Variants in SLC9A9 observed in about 807,000 individuals in gnomAD.
SLC9A9 encodes solute carrier family 9 member A9.
Under a neutral mutation model 77.8 loss-of-function variants are expected in SLC9A9, and 62 were observed. The observed-to-expected ratio is 0.80, with a 90% CI of 0.65 to 0.98. The LOEUF (loss-of-function observed/expected upper bound fraction) is 0.98, where lower values mean the gene tolerates loss of function less well. Among genes scored for constraint, SLC9A9 ranks in the 50% least tolerant of loss-of-function variants. The pLI, the probability that SLC9A9 is intolerant of heterozygous loss-of-function variation, is 0.00. For synonymous variants in SLC9A9, 320 were observed against 283.5 expected, an observed-to-expected ratio of 1.13 and a Z score of -1.29; for missense variants, 775 against 774.9, an observed-to-expected ratio of 1.00 and a Z score of 0.00.
intron 4 of SLC9A9, among the ~76,000 whole-genome samples, chr3:143,768,211 G>A (rs543378997): frequency 1.6e-4 from 24 of 151,998 alleles, no homozygotes; most frequent in Non-Finnish European, 2.4e-4. Context: ...TCAGCGAGGG[G>A]GAAAATCAGA....
At chr3:143,300,186 G>A (rs1326397208) in intron 14 of SLC9A9, among the ~76,000 whole-genome samples, 1 of 152,114 alleles carries the variant, frequency 6.6e-6, no homozygotes, top group Non-Finnish European at 1.5e-5. Context: ...CTCTCCAGGT[G>A]GTATTTTAGC....
intron 14 of SLC9A9, among the ~76,000 whole-genome samples, chr3:143,279,109 C>T (rs1938137234): frequency 6.6e-6 from 1 of 152,198 alleles, no homozygotes; most frequent in African/African-American, 2.4e-5. Flanking sequence ...CATCCCAAGT[C>T]AATTTACTAA....
chr3:143,716,982 G>A (rs1934370371), intron 4 of SLC9A9, among the ~76,000 whole-genome samples: 1 of 152,182 alleles, frequency 6.6e-6, no homozygotes, highest in African/African-American at 2.4e-5. Flanking sequence ...AATGGAGGGG[G>A]AGGAAGGCAA....
chr3:143,614,210 T>C (rs942670870), intron 6 of SLC9A9, among the ~76,000 whole-genome samples: 1 of 152,206 alleles, frequency 6.6e-6, no homozygotes, highest in Non-Finnish European at 1.5e-5. Flanking sequence ...ATTTCTAGCA[T>C]TTCCTAGGCT....
At chr3:143,542,204 T>C (rs1366740865) in intron 9 of SLC9A9, among the ~76,000 whole-genome samples, 1 of 152,240 alleles carries the variant, frequency 6.6e-6, no homozygotes, top group East Asian at 1.9e-4. Flanking sequence ...ATGAGTTTCA[T>C]TGAAAAGAAT....
At chr3:143,684,085 C>T (rs1933187025) in intron 5 of SLC9A9, among the ~76,000 whole-genome samples, 1 of 151,918 alleles carries the variant, frequency 6.6e-6, no homozygotes, top group Admixed American at 6.6e-5. Flanking sequence ...GTAACTGAGG[C>T]CAAGTGAGTC....
chr3:143,290,662 A>G (rs1004878042), intron 14 of SLC9A9, among the ~76,000 whole-genome samples: 9 of 152,244 alleles, frequency 5.9e-5, no homozygotes, highest in Non-Finnish European at 1.2e-4. Flanking sequence ...AATAAAGCAG[A>G]AGAGTGGGTC....
At chr3:143,784,429 G>A (rs1234955417) in intron 4 of SLC9A9, among the ~76,000 whole-genome samples, 1 of 152,110 alleles carries the variant, frequency 6.6e-6, no homozygotes, top group Non-Finnish European at 1.5e-5. Context: ...GCTCTTCTAT[G>A]GTCAACTTGA....
chr3:143,497,231 G>A (rs2035851260), intron 9 of SLC9A9, among the ~76,000 whole-genome samples: 1 of 152,050 alleles, frequency 6.6e-6, no homozygotes, highest in Non-Finnish European at 1.5e-5. Flanking sequence ...CATCCCAACT[G>A]TATTTTACCC....
chr3:143,375,304 A>T (rs970400716), intron 13 of SLC9A9, among the ~76,000 whole-genome samples: 5 of 152,112 alleles, frequency 3.3e-5, no homozygotes, highest in Non-Finnish European at 7.4e-5. Flanking sequence ...CATTTTTTCA[A>T]CCCTGTATCT....
intron 14 of SLC9A9, among the ~76,000 whole-genome samples, chr3:143,284,216 CTG>C (rs1328625310): frequency 1.3e-5 from 2 of 152,082 alleles, no homozygotes; most frequent in African/African-American, 2.4e-5. Flanking sequence ...TGCTTTGTAA[CTG>C]TGAACAGGCA....
intron 9 of SLC9A9, among the ~76,000 whole-genome samples, chr3:143,545,805 G>A (rs1475825471): frequency 6.6e-6 from 1 of 152,126 alleles, no homozygotes; most frequent in Non-Finnish European, 1.5e-5. Flanking sequence ...TCTTGAAATG[G>A]TGTACCCAGT....
Sources: allele counts gnomAD v4.1 joint callset (sites outside exome capture counted in the v4.1 genomes callset), GRCh38; gene constraint gnomAD v4.1.1; transcripts MANE v1.5; gene names NCBI Gene and HGNC (gene_info 2026-07-23, HGNC 2026-07-21).